The following PDE4B variants were observed in gnomAD, a reference collection of about 807,000 sequenced individuals.
PDE4B encodes phosphodiesterase 4B.
PDE4B carries 20 observed loss-of-function variants against 82.2 expected under a neutral mutation model. The ratio of observed to expected loss-of-function variants is 0.24; its 90% CI spans 0.17 to 0.35. PDE4B has a LOEUF of 0.35. Ranked by LOEUF, PDE4B falls within the 10% of genes least tolerant of loss-of-function variation. PDE4B has a pLI of 1.00. For synonymous variants in PDE4B, 320 were observed against 318.9 expected (o/e 1.00, Z -0.04); for missense variants, 655 against 907.2 (o/e 0.72, Z 3.57).
intron 3 of PDE4B, among the ~76,000 whole-genome samples, chr1:66,229,757 A>T (rs887796125): frequency 6.6e-6 from 1 of 152,158 alleles, no homozygotes. Flanking sequence ...CTAAAAAAAA[A>T]ACCCTGCAGA....
chr1:65,887,164 TTCCTTCCC>T (rs2100366423), intron 1 of PDE4B, among the ~76,000 whole-genome samples: 1 of 142,268 alleles, frequency 7.0e-6, no homozygotes, highest in East Asian at 2.2e-4. Context: ...CCTTCCTTCC[TTCCTTCCC>T]TCCCTCCCTC....
chr1:66,235,459 C>T (rs1207021581), intron 3 of PDE4B, among the ~76,000 whole-genome samples: 1 of 151,828 alleles, frequency 6.6e-6, no homozygotes, highest in African/African-American at 2.4e-5. Context: ...CCTTTTTATT[C>T]CTGGTAATAT....
At chr1:66,365,522 T>C (rs566461929) in intron 12 of PDE4B, 145 bp from the exon 13 acceptor site, 216 of 534,374 alleles carry the variant, frequency 4.0e-4, no homozygotes, top group African/African-American at 3.7e-3. Context: ...AGAATCTACA[T>C]TTACTTAAAT....
At chr1:66,118,488 G>A (rs921201983) in intron 3 of PDE4B, among the ~76,000 whole-genome samples, 12 of 151,686 alleles carry the variant, frequency 7.9e-5, no homozygotes, top group South Asian at 4.2e-4. Flanking sequence ...ACCAAACACC[G>A]CATGTTCTCA....
intron 3 of PDE4B, among the ~76,000 whole-genome samples, chr1:66,068,265 T>A (rs183451821): frequency 1.3e-5 from 2 of 151,886 alleles, no homozygotes; most frequent in Non-Finnish European, 2.9e-5. Flanking sequence ...AGCGAAGCTA[T>A]CCCCAGGGAT....
chr1:66,266,684 A>G (rs781353988), intron 7 of PDE4B: 1 of 528,478 alleles, frequency 1.9e-6, no homozygotes, highest in South Asian at 1.4e-5. Flanking sequence ...CAGTGCATCC[A>G]CTTTTCTTGG....
intron 3 of PDE4B, among the ~76,000 whole-genome samples, chr1:65,984,586 C>T (rs529055550): frequency 6.6e-6 from 1 of 152,196 alleles, no homozygotes; most frequent in African/African-American, 2.4e-5. Flanking sequence ...GAAATCCCAT[C>T]TCTAATAAAA....
At chr1:66,005,870 C>T (rs895385508) in intron 3 of PDE4B, among the ~76,000 whole-genome samples, 2 of 152,090 alleles carry the variant, frequency 1.3e-5, no homozygotes, top group African/African-American at 2.4e-5. Flanking sequence ...CCCTAATGCC[C>T]ACGGAGCACA....
At chr1:65,808,885 T>C (rs914521338) in intron 1 of PDE4B, among the ~76,000 whole-genome samples, 1 of 152,250 alleles carries the variant, frequency 6.6e-6, no homozygotes, top group African/African-American at 2.4e-5. Context: ...TGTTATTTTC[T>C]ATTTCTCAGA....
intron 3 of PDE4B, among the ~76,000 whole-genome samples, chr1:66,058,178 A>G (rs905034498): frequency 6.6e-6 from 1 of 152,216 alleles, no homozygotes; most frequent in Non-Finnish European, 1.5e-5. Context: ...AAAGCTCCCA[A>G]ATGATCTCCT....
chr1:66,089,613 T>C (rs750137974), intron 3 of PDE4B, among the ~76,000 whole-genome samples: 1 of 152,034 alleles, frequency 6.6e-6, no homozygotes, highest in Non-Finnish European at 1.5e-5. Flanking sequence ...ATAGGTATCC[T>C]ATAAAAGAGT....
intron 3 of PDE4B, among the ~76,000 whole-genome samples, chr1:66,224,458 C>A (rs981040957): frequency 6.6e-6 from 1 of 152,134 alleles, no homozygotes; most frequent in Non-Finnish European, 1.5e-5. Context: ...GTGGCTCACA[C>A]GTGTAATCCC....
At chr1:65,965,253 C>CA (rs35917143) in intron 3 of PDE4B, among the ~76,000 whole-genome samples, 3 of 152,032 alleles carry the variant, frequency 2.0e-5, no homozygotes, top group Admixed American at 6.6e-5. Context: ...TCCTCCCCCC[C>CA]CCATGGAAAA....
chr1:66,335,446 C>T (rs186682326), intron 8 of PDE4B, among the ~76,000 whole-genome samples: 3 of 152,330 alleles, frequency 2.0e-5, no homozygotes, highest in Admixed American at 2.0e-4. Flanking sequence ...TTTACTTCAT[C>T]TAGGTAGGGT....
At chr1:65,967,149 G>A (rs1649877930) in intron 3 of PDE4B, among the ~76,000 whole-genome samples, 1 of 151,958 alleles carries the variant, frequency 6.6e-6, no homozygotes, top group Admixed American at 6.6e-5. Context: ...CTGACAAAAG[G>A]CTAATATCCA....
At chr1:66,045,993 G>C (rs1418241499) in intron 3 of PDE4B, among the ~76,000 whole-genome samples, 1 of 151,698 alleles carries the variant, frequency 6.6e-6, no homozygotes, top group East Asian at 1.9e-4. Context: ...CACATGATGG[G>C]CTGCTTTTGG....
intron 4 of PDE4B, among the ~76,000 whole-genome samples, chr1:66,249,791 A>C (rs1418689469): frequency 1.3e-5 from 2 of 151,982 alleles, no homozygotes; most frequent in East Asian, 3.9e-4. Context: ...ATAAGGACTT[A>C]GATAAAAAGT....
chr1:66,183,786 TAGTTGTC>T (rs1489852596), intron 3 of PDE4B, among the ~76,000 whole-genome samples: 1 of 152,202 alleles, frequency 6.6e-6, no homozygotes, highest in Non-Finnish European at 1.5e-5. Flanking sequence ...ACATAAGATA[TAGTTGTC>T]AGTCTTAGTG....
At chr1:66,059,914 A>G (rs1274251329) in intron 3 of PDE4B, among the ~76,000 whole-genome samples, 1 of 152,194 alleles carries the variant, frequency 6.6e-6, no homozygotes, top group African/African-American at 2.4e-5. Flanking sequence ...AATTTAAAAC[A>G]ATTTCTGGCC....
Sources: gnomAD v4.1 joint callset for allele counts (sites outside exome capture counted in the v4.1 genomes callset) on GRCh38, gnomAD v4.1.1 for gene constraint, MANE v1.5 for transcripts, NCBI Gene and HGNC (gene_info 2026-07-23, HGNC 2026-07-21) for gene names.